MYH11: variants seen among roughly 807,000 people sequenced by gnomAD.
MYH11 encodes myosin heavy chain 11.
A neutral mutation model predicts 246.6 loss-of-function variants in MYH11; 80 were observed. The observed-to-expected ratio is 0.32, with a 90% CI of 0.27 to 0.39. The LOEUF (loss-of-function observed/expected upper bound fraction) is 0.39, where lower values mean the gene tolerates loss of function less well. Among genes scored for constraint, MYH11 ranks in the 10% least tolerant of loss-of-function variants. MYH11 has a pLI of 1.00. For missense variants in MYH11, 2,158 were observed against 2,546.8 expected (o/e 0.85, Z 3.29); for synonymous variants, 1,071 against 1,015.5 (o/e 1.05, Z -1.04).
Position 15,838,226 on chromosome 16 carries a change from G to A in MYH11, c.27C>T (p.Asp9=), listed in dbSNP as rs769179119. 1.6e-5 allele frequency: 26 copies of A among 1,613,920 alleles called. No individual in the cohort carries two copies. The highest frequency in any genetic ancestry group is 3.3e-5 in the Admixed American group (2 of 59,980). Residue 9 remains aspartate (D), a synonymous_variant, in exon 2 of 41, where the codon GAC becomes GAT. Transcript: ENST00000300036. MAQKGQLS[D]DEKFLFVDKN... is the part of the protein sequence containing the mutation. ...TGTCCACAAAGAGGAACTTCTCATC[G>A]TCACTGAGTTGGCCCTTCTGCGCCA...
In MYH11 at chr16:15,777,125, A is replaced by G. The variant is rs1596820064; in HGVS notation, c.791-949T>C. Among the ~76,000 whole-genome samples the G allele has an allele frequency of 4.6e-5, 7 of 151,916 alleles. No homozygotes were observed. In the East Asian group the frequency reaches 9.7e-4, roughly 21 times the overall value. On this transcript the variant is annotated intron_variant, in intron 7 of 40. Coordinates refer to ENST00000300036, the MANE Select transcript of MYH11 (RefSeq NM_002474.3). ...CACATACACACACACACACACACACACACGCACGTATGTTTGAGCCAGAGT... is the reference window on the plus strand; with the variant it reads ...CACATACACACACACACACACACACGCACGCACGTATGTTTGAGCCAGAGT...
chr16:15,706,506 G>C (rs966437241), intron 40 of MYH11, among the ~76,000 whole-genome samples: 7 of 152,098 alleles, frequency 4.6e-5, no homozygotes, highest in Non-Finnish European at 7.4e-5. Flanking sequence ...TCAGTTGTTC[G>C]AGGCCATCCT....
At chr16:15,831,673 T>C (rs1214377367) in intron 2 of MYH11, among the ~76,000 whole-genome samples, 1 of 152,190 alleles carries the variant, frequency 6.6e-6, no homozygotes, top group African/African-American at 2.4e-5. Context: ...GTGCAGTGGC[T>C]CATGCCTGTA....
chr16:15,829,609 C>T (rs2043673672), intron 2 of MYH11, among the ~76,000 whole-genome samples: 1 of 152,196 alleles, frequency 6.6e-6, no homozygotes, highest in South Asian at 2.1e-4. Flanking sequence ...GTTTCAACAT[C>T]CCAGCCTCCT....
intron 36 of MYH11, 84 bp downstream of exon 36, chr16:15,719,136 T>G: frequency 7.1e-7 from 1 of 1,410,552 alleles, no homozygotes; most frequent in Admixed American, 1.8e-5. Context: ...TCGAAAAAAT[T>G]TAAAAAATAA....
At chr16:15,851,173 G>A (rs918269990) in intron 1 of MYH11, among the ~76,000 whole-genome samples, 2 of 152,152 alleles carry the variant, frequency 1.3e-5, no homozygotes, top group African/African-American at 4.8e-5. Flanking sequence ...GGAAATCCTC[G>A]CTCAAGGCCT....
At chr16:15,712,947 G>A (rs1358919221) in intron 40 of MYH11, 4 of 143,884 alleles carry the variant, frequency 2.8e-5, no homozygotes, top group South Asian at 2.2e-4. Flanking sequence ...TCTCTCTCCC[G>A]GTTTTAAGCC....
intron 10 of MYH11, 55 bp downstream of exon 10, chr16:15,763,741 T>TCGGGGGCCCCCC: frequency 1.5e-6 from 1 of 646,860 alleles, no homozygotes. Flanking sequence ...AAATGTCACC[T>TCGGGGGCCCCCC]CCCCCACCCC....
chr16:15,719,455 G>A lies in MYH11; in HGVS notation c.5082+130C>T, dbSNP rs572520456. On this transcript the variant is annotated intron_variant, in intron 35 of 40. Transcript: ENST00000300036. ...CCGTGAATACATAGAGGAGGGAAGC[G>A]TGTGTCTTTCTAGACAGGTGGACCC... 124 of 1,499,854 alleles carry A rather than the reference G, an allele frequency of 8.3e-5. 1 individual carries two copies. In the Middle Eastern group the frequency reaches 8.5e-4, roughly 10 times the overall value. The allele number at this position is 1,499,854 out of a possible 1,614,324, so 92.9% of individuals were successfully genotyped here.
At chr16:15,825,545 C>T (rs1203235151) in intron 2 of MYH11, among the ~76,000 whole-genome samples, 1 of 152,056 alleles carries the variant, frequency 6.6e-6, no homozygotes, top group East Asian at 1.9e-4. Context: ...GGTGACAGAG[C>T]AAGACCCTGT....
chr16:15,748,543 TCTC>T (rs1454163087), intron 16 of MYH11, among the ~76,000 whole-genome samples: 2 of 152,062 alleles, frequency 1.3e-5, no homozygotes, highest in African/African-American at 2.4e-5. Context: ...TCCACTATCT[TCTC>T]CTGCCTGGAC....
chr16:15,792,731 T>C (rs538395520), intron 4 of MYH11: 1 of 152,288 alleles, frequency 6.6e-6, no homozygotes, highest in Non-Finnish European at 1.5e-5. Context: ...TTTATTTTAT[T>C]GTTATATATA....
chr16:15,778,288 C>A (rs927339608), intron 7 of MYH11, among the ~76,000 whole-genome samples: 1 of 152,152 alleles, frequency 6.6e-6, no homozygotes, highest in Non-Finnish European at 1.5e-5. Context: ...GATCACAGAC[C>A]AACTCTCTAA....
intron 1 of MYH11, among the ~76,000 whole-genome samples, chr16:15,845,223 G>A (rs1039726239): frequency 6.6e-6 from 1 of 152,056 alleles, no homozygotes; most frequent in African/African-American, 2.4e-5. Flanking sequence ...AGGCTGCATG[G>A]GGCCCAGGAC....
chr16:15,723,243 C>CT (rs2040577230), intron 31 of MYH11, among the ~76,000 whole-genome samples: 1 of 152,070 alleles, frequency 6.6e-6, no homozygotes, highest in African/African-American at 2.4e-5. Flanking sequence ...AAAATAAACT[C>CT]TAATTAATAT....
chr16:15,778,965 A>G, intron 6 of MYH11, 122 bp from the exon 7 acceptor site: 1 of 924,640 alleles, frequency 1.1e-6, no homozygotes. Flanking sequence ...GATTCTTGCG[A>G]ACACTCAGAA....
At chr16:15,833,381 G>GAGGAAGGA (rs148317130) in intron 2 of MYH11, among the ~76,000 whole-genome samples, 8 of 136,856 alleles carry the variant, frequency 5.8e-5, no homozygotes, top group African/African-American at 8.3e-5. Flanking sequence ...GGGAGGGAGG[G>GAGGAAGGA]AGGGAGGAAG....
At chr16:15,770,863 C>A (rs1415956317) in intron 9 of MYH11, among the ~76,000 whole-genome samples, 1 of 152,148 alleles carries the variant, frequency 6.6e-6, no homozygotes, top group Admixed American at 6.5e-5. Flanking sequence ...GGCTGGAACC[C>A]AGCTATGTTG....
intron 3 of MYH11, among the ~76,000 whole-genome samples, chr16:15,800,487 G>A (rs2042856898): frequency 6.8e-6 from 1 of 146,466 alleles, no homozygotes; most frequent in Non-Finnish European, 1.5e-5. Context: ...TGGGTATATA[G>A]CTGGTTGGAC....
Sources: allele counts gnomAD v4.1 joint callset (sites outside exome capture counted in the v4.1 genomes callset), GRCh38; gene constraint gnomAD v4.1.1; transcripts MANE v1.5; gene names NCBI Gene and HGNC (gene_info 2026-07-23, HGNC 2026-07-21).